KCND3: variants seen among roughly 807,000 people sequenced by gnomAD.
KCND3 encodes the protein potassium voltage-gated channel subfamily D member 3, also known as A-type voltage-gated potassium channel KCND3.
In KCND3, 9 loss-of-function variants were observed where a neutral mutation model predicts 51.1. The ratio of observed to expected loss-of-function variants is 0.18; its 90% confidence interval spans 0.11 to 0.31. KCND3 has a LOEUF of 0.31. Among genes scored for constraint, KCND3 ranks in the 10% least tolerant of loss-of-function variants. The probability of loss-of-function intolerance (pLI) is 1.00; values close to 1 mark genes in which losing one functional copy is unlikely to be tolerated. For synonymous variants in KCND3, 349 were observed against 368.0 expected (o/e 0.95, Z 0.59); for missense variants, 526 against 903.8 (o/e 0.58, Z 5.36).
At chr1:111,899,459 C>T (rs183308645) in intron 2 of KCND3, among the ~76,000 whole-genome samples, 6 of 152,322 alleles carry the variant, frequency 3.9e-5, no homozygotes, top group Admixed American at 3.9e-4. Flanking sequence ...GGCAAGGTGG[C>T]CCTGGCCTTC....
chr1:111,944,324 G>T (rs1433644372), intron 2 of KCND3, among the ~76,000 whole-genome samples: 1 of 152,210 alleles, frequency 6.6e-6, no homozygotes, highest in African/African-American at 2.4e-5. Context: ...ACCTGCCATT[G>T]TCATTCCACT....
intron 2 of KCND3, among the ~76,000 whole-genome samples, chr1:111,980,521 C>A (rs1465899372): frequency 6.6e-6 from 1 of 152,032 alleles, no homozygotes; most frequent in Non-Finnish European, 1.5e-5. Flanking sequence ...CACCAGGACA[C>A]CACCAACCAC....
chr1:111,845,803 G>A (rs915773192), intron 2 of KCND3, among the ~76,000 whole-genome samples: 2 of 152,202 alleles, frequency 1.3e-5, no homozygotes, highest in Non-Finnish European at 2.9e-5. Flanking sequence ...TTTGAACCTA[G>A]TGAGCCTGGT....
intron 2 of KCND3, among the ~76,000 whole-genome samples, chr1:111,936,629 C>T (rs1354721405): frequency 1.5e-5 from 2 of 133,960 alleles, no homozygotes; most frequent in African/African-American, 2.7e-5. Flanking sequence ...AAGAGAAGGC[C>T]CTGGCCACCC....
chr1:111,915,609 T>C (rs969859833), intron 2 of KCND3, among the ~76,000 whole-genome samples: 6 of 151,552 alleles, frequency 4.0e-5, no homozygotes, highest in Admixed American at 1.3e-4. Flanking sequence ...AAAAATCAGC[T>C]GGGCGTGGTG....
At chr1:111,778,341 T>C (rs1664219793) in intron 6 of KCND3, 95 bp downstream of exon 6, 1 of 1,141,062 alleles carries the variant, frequency 8.8e-7, no homozygotes, top group South Asian at 1.2e-5. Flanking sequence ...CAGCAGCACA[T>C]GCACAGAACC....
intron 2 of KCND3, among the ~76,000 whole-genome samples, chr1:111,904,710 G>A (rs537594666): frequency 8.5e-5 from 13 of 152,288 alleles, no homozygotes; most frequent in South Asian, 2.1e-4. Flanking sequence ...GGCAAGCTGC[G>A]TGACAGCCGC....
chr1:111,980,571 T>A (rs772220273), intron 2 of KCND3, among the ~76,000 whole-genome samples: 9 of 152,066 alleles, frequency 5.9e-5, no homozygotes. Flanking sequence ...GAATTCTCCA[T>A]CAGCAATATA....
At position 111,785,614 on chromosome 1, in the gene KCND3, G is replaced by T. The variant is rs182265653; in HGVS notation, c.1269+1330C>A. 5.9e-5 allele frequency among the ~76,000 whole-genome samples: 9 copies of T among 152,218 alleles called. No individual in the cohort carries two copies. In the East Asian group the frequency reaches 1.5e-3, roughly 26 times the overall value. On this transcript the variant is annotated intron_variant, in intron 3 of 7. Transcript: ENST00000302127. ...ATAGGCTGGAGGTGGGAACCAATTG[G>T]ATTCACTACACAATTATATGTAAAT...
chr1:111,777,396 G>T, intron 6 of KCND3, 123 bp from the exon 7 acceptor site: 1 of 1,021,738 alleles, frequency 9.8e-7, no homozygotes, highest in Non-Finnish European at 1.5e-6. Flanking sequence ...CCAGCTGCCC[G>T]GATCACAGAT....
intron 2 of KCND3, among the ~76,000 whole-genome samples, chr1:111,874,561 T>C (rs368845613): frequency 5.9e-5 from 9 of 152,158 alleles, no homozygotes; most frequent in Non-Finnish European, 1.2e-4. Context: ...GTGTAGTGAG[T>C]CAAGTGCAAT....
At chr1:111,876,257 A>T (rs1440014995) in intron 2 of KCND3, among the ~76,000 whole-genome samples, 1 of 152,138 alleles carries the variant, frequency 6.6e-6, no homozygotes. Context: ...CTGCAAAATG[A>T]TCCTTTTCGG....
intron 2 of KCND3, among the ~76,000 whole-genome samples, chr1:111,807,897 C>T (rs1408535879): frequency 6.6e-6 from 1 of 152,154 alleles, no homozygotes; most frequent in African/African-American, 2.4e-5. Context: ...CACAGACCAC[C>T]ATATTAACAA....
chr1:111,840,049 G>A (rs11102343), intron 2 of KCND3, among the ~76,000 whole-genome samples: 18,597 of 152,188 alleles, frequency 0.12, 1,579 homozygotes, highest in East Asian at 0.42. Flanking sequence ...GGTGTCCAGC[G>A]AGGGCCTGAT....
At chr1:111,849,960 TC>T (rs1667732766) in intron 2 of KCND3, among the ~76,000 whole-genome samples, 1 of 152,132 alleles carries the variant, frequency 6.6e-6, no homozygotes, top group Non-Finnish European at 1.5e-5. Context: ...CTCCATATCT[TC>T]CATCGGATCT....
chr1:111,815,982 A>G (rs967690172), intron 2 of KCND3, among the ~76,000 whole-genome samples: 1 of 152,120 alleles, frequency 6.6e-6, no homozygotes, highest in Non-Finnish European at 1.5e-5. Context: ...TAAGGGGAAA[A>G]GGGAGGCAGG....
chr1:111,916,409 AG>A (rs1671220369), intron 2 of KCND3, among the ~76,000 whole-genome samples: 1 of 152,224 alleles, frequency 6.6e-6, no homozygotes, highest in South Asian at 2.1e-4. Flanking sequence ...AATGGTATGT[AG>A]TAGCTAAAAG....
At chr1:111,909,915 G>C (rs1287333189) in intron 2 of KCND3, 1 of 152,204 alleles carries the variant, frequency 6.6e-6, no homozygotes, top group Non-Finnish European at 1.5e-5. Flanking sequence ...AGAGATATTA[G>C]CCATTACTAT....
At chr1:111,883,199 C>T (rs993511145) in intron 2 of KCND3, among the ~76,000 whole-genome samples, 4 of 152,250 alleles carry the variant, frequency 2.6e-5, no homozygotes, top group Non-Finnish European at 4.4e-5. Context: ...GCACTTGCCA[C>T]GTGCCAGGCA....
Sources: gnomAD v4.1 joint callset for allele counts (sites outside exome capture counted in the v4.1 genomes callset) on GRCh38, gnomAD v4.1.1 for gene constraint, MANE v1.5 for transcripts, NCBI Gene and HGNC (gene_info 2026-07-23, HGNC 2026-07-21) for gene names.